Variants in BAZ2B observed in about 807,000 individuals in gnomAD.
BAZ2B encodes the protein bromodomain adjacent to zinc finger domain protein 2B.
Under a neutral mutation model 246.0 loss-of-function variants are expected in BAZ2B, and 91 were observed. The ratio of observed to expected loss-of-function variants is 0.37; its 90% confidence interval spans 0.31 to 0.44. The LOEUF (loss-of-function observed/expected upper bound fraction) is 0.44, where lower values mean the gene tolerates loss of function less well. BAZ2B is among the 20% of genes least tolerant of loss of function. BAZ2B has a pLI of 1.00. For synonymous variants in BAZ2B, 855 were observed against 860.0 expected, an observed-to-expected ratio of 0.99 and a Z score of 0.10; for missense variants, 2,332 against 2,533.7, an observed-to-expected ratio of 0.92 and a Z score of 1.71.
chr2:159,688,004 A>G, the BAZ2B span, among the ~76,000 whole-genome samples: 7 of 152,182 alleles, frequency 4.6e-5, no homozygotes, highest in African/African-American at 1.7e-4. Flanking sequence ...CTACTTTTAC[A>G]TATCTTAAAT....
intron 27 of BAZ2B, among the ~76,000 whole-genome samples, chr2:159,364,933 T>G (rs1212807942): frequency 2.0e-5 from 3 of 152,268 alleles, no homozygotes; most frequent in African/African-American, 7.2e-5. Context: ...TGTTTGACAC[T>G]AGTACTGCAA....
chr2:159,426,406 T>C (rs1282946208), intron 13 of BAZ2B, among the ~76,000 whole-genome samples: 8 of 152,144 alleles, frequency 5.3e-5, no homozygotes, highest in African/African-American at 1.9e-4. Flanking sequence ...AAACAAAGAC[T>C]TTTAAAACGA....
chr2:159,559,565 T>C (rs925608716), intron 1 of BAZ2B, among the ~76,000 whole-genome samples: 3 of 152,196 alleles, frequency 2.0e-5, no homozygotes, highest in Admixed American at 6.5e-5. Context: ...CAGTTAAAAA[T>C]ATACAGTTTA....
chr2:159,426,365 T>C (rs934085733), intron 13 of BAZ2B, among the ~76,000 whole-genome samples: 2 of 152,140 alleles, frequency 1.3e-5, no homozygotes, highest in African/African-American at 4.8e-5. Flanking sequence ...ATCTTTGGCA[T>C]AAATAATACA....
intron 8 of BAZ2B, 94 bp from the exon 9 acceptor site, chr2:159,433,457 A>C: frequency 9.2e-7 from 1 of 1,082,958 alleles, no homozygotes; most frequent in Non-Finnish European, 1.3e-6. Context: ...AATTATAGCT[A>C]TTATATCATA....
the BAZ2B span, among the ~76,000 whole-genome samples, chr2:159,668,614 T>C: frequency 2.6e-5 from 4 of 152,130 alleles, no homozygotes; most frequent in African/African-American, 9.7e-5. Context: ...TAATCAGACA[T>C]TGGTTTTGTC....
At chr2:159,596,818 G>A (rs953193799) in intron 1 of BAZ2B, among the ~76,000 whole-genome samples, 6 of 152,154 alleles carry the variant, frequency 3.9e-5, no homozygotes, top group African/African-American at 1.2e-4. Context: ...ACTTCACTTA[G>A]AATAATAGTC....
chr2:159,426,105 A>G (rs1054377013), intron 13 of BAZ2B, among the ~76,000 whole-genome samples: 6 of 152,168 alleles, frequency 3.9e-5, no homozygotes, highest in Non-Finnish European at 8.8e-5. Flanking sequence ...AGCTTAACAT[A>G]TTTGGCTTTA....
chr2:159,689,926 G>GT, the BAZ2B span: 4 of 370,704 alleles, frequency 1.1e-5, no homozygotes, highest in African/African-American at 8.6e-5. Flanking sequence ...GATGAAGCAA[G>GT]TAACTATCAG....
chr2:159,647,008 C>A, the BAZ2B span, among the ~76,000 whole-genome samples: 1 of 152,072 alleles, frequency 6.6e-6, no homozygotes, highest in Admixed American at 6.6e-5. Context: ...CACAATCATT[C>A]ATTAAACATA....
the BAZ2B span, among the ~76,000 whole-genome samples, chr2:159,629,679 T>C: frequency 1.3e-5 from 2 of 149,390 alleles, no homozygotes; most frequent in African/African-American, 5.0e-5. Flanking sequence ...TGTTGGGGGA[T>C]AGGGGGCTAG....
chr2:159,675,300 A>C, the BAZ2B span, among the ~76,000 whole-genome samples: 4 of 152,000 alleles, frequency 2.6e-5, no homozygotes, highest in African/African-American at 7.2e-5. Flanking sequence ...AAAAAAAAAA[A>C]CGCACAACAG....
chr2:159,391,599 G>C (rs2063336888), intron 20 of BAZ2B, among the ~76,000 whole-genome samples: 9 of 152,020 alleles, frequency 5.9e-5, no homozygotes, highest in Admixed American at 5.3e-4. Context: ...CTTCCCACTG[G>C]TAGCAATCCT....
chr2:159,348,974 G>A, intron 29 of BAZ2B, 33 bp downstream of exon 29: 3 of 1,604,966 alleles, frequency 1.9e-6, no homozygotes. Flanking sequence ...TTGAAATTGA[G>A]TAAGTGGCTG....
intron 3 of BAZ2B, chr2:159,464,911 T>C (rs1027637854): frequency 1.3e-5 from 2 of 152,246 alleles, no homozygotes; most frequent in African/African-American, 4.8e-5. Context: ...TTACTTACCT[T>C]AACCTAAATC....
At chr2:159,498,686 CA>C (rs34624465) in intron 2 of BAZ2B, among the ~76,000 whole-genome samples, 2 of 152,240 alleles carry the variant, frequency 1.3e-5, no homozygotes, top group South Asian at 4.1e-4. Flanking sequence ...CAAATATACA[CA>C]AAAAGTTATT....
At chr2:159,499,238 T>G (rs2081463330) in intron 2 of BAZ2B, among the ~76,000 whole-genome samples, 1 of 152,210 alleles carries the variant, frequency 6.6e-6, no homozygotes, top group Non-Finnish European at 1.5e-5. Flanking sequence ...TCACATGTTC[T>G]CATTATTCAG....
At chr2:159,318,356 G>C (rs573605947), downstream of BAZ2B, among the ~76,000 whole-genome samples, 9 of 152,348 alleles carry the variant, frequency 5.9e-5, no homozygotes, top group Non-Finnish European at 1.2e-4. Flanking sequence ...AGTAACAGCT[G>C]ATTTTTCATA....
intron 2 of BAZ2B, among the ~76,000 whole-genome samples, chr2:159,518,420 G>A (rs1313641549): frequency 2.0e-5 from 3 of 152,168 alleles, no homozygotes; most frequent in Non-Finnish European, 4.4e-5. Flanking sequence ...AACTGGACCT[G>A]GTAGTGCTAT....
Sources: gnomAD v4.1 joint callset for allele counts (sites outside exome capture counted in the v4.1 genomes callset) on GRCh38, gnomAD v4.1.1 for gene constraint, MANE v1.5 for transcripts, NCBI Gene and HGNC (gene_info 2026-07-23, HGNC 2026-07-21) for gene names.